Variants in STRADB observed in about 807,000 individuals in gnomAD.
The protein encoded by STRADB is STE20-related kinase adapter protein beta.
STRADB carries 34 observed loss-of-function variants against 52.1 expected under a neutral mutation model. That is an observed-to-expected ratio of 0.65 (90% CI 0.50 to 0.87). The LOEUF (loss-of-function observed/expected upper bound fraction) is 0.87. Ranked by LOEUF, STRADB falls within the 40% of genes least tolerant of loss-of-function variation. The probability of loss-of-function intolerance (pLI) is 0.00; values close to 1 mark genes in which losing one functional copy is unlikely to be tolerated. For missense variants in STRADB, 340 were observed against 483.9 expected, an observed-to-expected ratio of 0.70 and a Z score of 2.79; for synonymous variants, 133 against 174.5, an observed-to-expected ratio of 0.76 and a Z score of 1.87.
At chr2:201,479,596 G>A in intron 11 of STRADB, 65 bp downstream of exon 11, 1 of 1,498,088 alleles carries the variant, frequency 6.7e-7, no homozygotes, top group Non-Finnish European at 9.0e-7. Context: ...ACTTTATTTT[G>A]TTGGCTTGAT....
chr2:201,463,438 GC>G (rs1280801209), intron 3 of STRADB, among the ~76,000 whole-genome samples: 1 of 151,774 alleles, frequency 6.6e-6, no homozygotes, highest in Non-Finnish European at 1.5e-5. Context: ...ATGTATTGGA[GC>G]CCCTTTATAT....
chr2:201,479,289 G>T, intron 10 of STRADB, 200 bp from the exon 11 acceptor site: 2 of 549,686 alleles, frequency 3.6e-6, no homozygotes, highest in East Asian at 6.6e-5. Context: ...TGTTGAGTAT[G>T]GATTAATTGA....
At chr2:201,466,733 G>A (rs1277244293) in intron 3 of STRADB, among the ~76,000 whole-genome samples, 18 of 152,154 alleles carry the variant, frequency 1.2e-4, no homozygotes, top group African/African-American at 3.9e-4. Context: ...TGATGTTTGA[G>A]CTGAGATGCT....
intron 1 of STRADB, among the ~76,000 whole-genome samples, chr2:201,452,264 C>T (rs1952056141): frequency 6.6e-6 from 1 of 152,156 alleles, no homozygotes; most frequent in African/African-American, 2.4e-5. Context: ...CCCCGCACCC[C>T]TCACCTTTGG....
In STRADB at chr2:201,478,102, A is replaced by T; in HGVS notation, c.736A>T (p.Asn246Tyr). ...TGTCCTACAGGATTTACATGGGTAT[A>T]ATGTGAAGTCAGATATTTACAGTGT... ...ELLRQDLHGYNVKSDIYSVGI... is the reference protein window; with the variant it reads ...ELLRQDLHGYYVKSDIYSVGI... The change falls in exon 9 of 12, where the codon AAT becomes TAT. Residue 246 changes from asparagine to tyrosine, a missense_variant. Physicochemically the swap from Asn to Tyr is moderately radical, Grantham distance 143. Coordinates refer to ENST00000194530, the MANE Select transcript of STRADB (RefSeq NM_018571.6). The T allele has an allele frequency of 6.2e-7, 1 of 1,610,488 alleles. No homozygotes were observed. Among genetic ancestry groups the T allele is most frequent in the Non-Finnish European group, 8.5e-7 (1 of 1,178,978 alleles).
intron 3 of STRADB, among the ~76,000 whole-genome samples, chr2:201,461,269 G>A (rs925050021): frequency 2.0e-5 from 3 of 152,080 alleles, no homozygotes; most frequent in Non-Finnish European, 4.4e-5. Context: ...GCTCACAGCA[G>A]CCTTTAACTC....
intron 4 of STRADB, among the ~76,000 whole-genome samples, chr2:201,471,596 G>A (rs537994152): frequency 6.6e-6 from 1 of 152,324 alleles, no homozygotes; most frequent in Admixed American, 6.5e-5. Context: ...TTTGAAACCA[G>A]ATCTTTCTGA....
intron 2 of STRADB, among the ~76,000 whole-genome samples, chr2:201,456,873 G>C (rs1432631831): frequency 1.3e-5 from 2 of 152,204 alleles, no homozygotes; most frequent in African/African-American, 4.8e-5. Context: ...TTTCTCAGTG[G>C]AGTTCCATAG....
At chr2:201,456,341 C>A (rs188285691) in intron 2 of STRADB, among the ~76,000 whole-genome samples, 516 of 152,326 alleles carry the variant, frequency 3.4e-3, no homozygotes, top group African/African-American at 0.011. Flanking sequence ...AAAGGGCATT[C>A]AGTCTATTCC....
chr2:201,479,577 T>A, intron 11 of STRADB, 46 bp downstream of exon 11: 1 of 1,552,116 alleles, frequency 6.4e-7, no homozygotes, highest in Non-Finnish European at 8.7e-7. Context: ...TAATTACTAT[T>A]AAAAAGTCAC....
At chr2:201,463,874 ACT>A (rs2125675645) in intron 3 of STRADB, among the ~76,000 whole-genome samples, 1 of 151,574 alleles carries the variant, frequency 6.6e-6, no homozygotes, top group East Asian at 1.9e-4. Flanking sequence ...TGCTATTGAG[ACT>A]CTAATGCATT....
At chr2:201,468,049 T>C (rs1381518443) in intron 3 of STRADB, among the ~76,000 whole-genome samples, 2 of 151,016 alleles carry the variant, frequency 1.3e-5, no homozygotes, top group African/African-American at 4.8e-5. Flanking sequence ...GTTTTCTAGC[T>C]GTTCAGGATG....
rs989154810 is a variant in STRADB at position 201,457,965 on chromosome 2, A to G, written c.13-819A>G. ...CTTGAACCCAGGAGGCAGAGGTTGC[A>G]TCAAGCCAAGATTGCACCACTGCAC... On this transcript the variant is annotated intron_variant, in intron 2 of 11. Transcript: ENST00000194530. Among the ~76,000 whole-genome samples the G allele has an allele frequency of 2.1e-4, 32 of 152,194 alleles. 1 individual carries two copies. Among genetic ancestry groups the G allele is most frequent in the African/African-American group, 7.5e-4 (31 of 41,438 alleles).
At chr2:201,454,142 C>A (rs747004055) in intron 1 of STRADB, among the ~76,000 whole-genome samples, 122 of 152,276 alleles carry the variant, frequency 8.0e-4, no homozygotes, top group Non-Finnish European at 1.4e-3. Context: ...GATTGCCACC[C>A]TTTCTATTAG....
chr2:201,456,511 G>T (rs1250532136), intron 2 of STRADB, among the ~76,000 whole-genome samples: 1 of 152,172 alleles, frequency 6.6e-6, no homozygotes, highest in Non-Finnish European at 1.5e-5. Flanking sequence ...GTTAATGATT[G>T]TAACTTTAAA....
chr2:201,464,684 T>C (rs1318606759), intron 3 of STRADB, among the ~76,000 whole-genome samples: 1 of 152,150 alleles, frequency 6.6e-6, no homozygotes, highest in Non-Finnish European at 1.5e-5. Flanking sequence ...GGCAGTGAGC[T>C]CCCCACCTGG....
Position 201,480,015 on chromosome 2 carries a change from TTGAG to T in STRADB, c.1114-15_1114-12del. On this transcript the variant is annotated splice_polypyrimidine_tract_variant and intron_variant, in intron 11 of 11. Coordinates refer to ENST00000194530, the MANE Select transcript of STRADB (RefSeq NM_018571.6). Reference sequence around the variant, plus strand: ...GAAATGATATATCAACAGCCTTATTTTGAGTTTCTTTAACAGATGAAAGAAGAAA... The same window carrying T: ...GAAATGATATATCAACAGCCTTATTTTTTCTTTAACAGATGAAAGAAGAAA... 1 of 1,613,760 alleles carries T rather than the reference TTGAG, an allele frequency of 6.2e-7. No homozygotes were observed. The highest frequency in any genetic ancestry group is 8.5e-7 in the Non-Finnish European group (1 of 1,179,702).
Position 201,480,310 on chromosome 2 carries a change from C to T in STRADB, c.*135C>T. ...GCACTGGAGAATCTATTATTTAAAACCACTCTGTTCAAAGGGGCACCAGTT... is the reference window on the plus strand; with the variant it reads ...GCACTGGAGAATCTATTATTTAAAATCACTCTGTTCAAAGGGGCACCAGTT... On this transcript the variant is annotated 3_prime_UTR_variant, in exon 12 of 12. Transcript: ENST00000194530. 5.3e-6 allele frequency: 8 copies of T among 1,511,094 alleles called. No individual in the cohort carries two copies. The highest frequency in any genetic ancestry group is 7.0e-6 in the Non-Finnish European group (8 of 1,135,416). The allele number at this position is 1,511,094 out of a possible 1,614,324, so 93.6% of individuals were successfully genotyped here.
At chr2:201,473,366 T>C (rs1203492496) in intron 5 of STRADB, among the ~76,000 whole-genome samples, 3 of 152,144 alleles carry the variant, frequency 2.0e-5, no homozygotes, top group African/African-American at 4.8e-5. Context: ...TTAGTACATT[T>C]ATGGGGTGGT....
Sources: gnomAD v4.1 joint callset for allele counts (sites outside exome capture counted in the v4.1 genomes callset) on GRCh38, gnomAD v4.1.1 for gene constraint, MANE v1.5 for transcripts, NCBI Gene and HGNC (gene_info 2026-07-23, HGNC 2026-07-21) for gene names.